The following PRXL2A variants were observed in gnomAD, a reference collection of about 807,000 sequenced individuals.
PRXL2A encodes the protein peroxiredoxin like 2A.
PRXL2A carries 26 observed loss-of-function variants against 25.6 expected under a neutral mutation model. That is an observed-to-expected ratio of 1.02 (90% CI 0.74 to 1.41). The LOEUF (loss-of-function observed/expected upper bound fraction) is 1.41. Among genes scored for constraint, PRXL2A ranks in the 40% most tolerant of loss-of-function variants. The pLI, the probability that PRXL2A is intolerant of heterozygous loss-of-function variation, is 0.00. For synonymous variants in PRXL2A, 98 were observed against 102.9 expected (o/e 0.95, Z 0.29); for missense variants, 246 against 273.9 (o/e 0.90, Z 0.72).
rs752302520 is a variant in PRXL2A, at chr10:80,432,063, G to T, written c.654G>T (p.Met218Ile). 6.2e-7 allele frequency: 1 copy of T among 1,610,204 alleles called. No individual in the cohort carries two copies. The change falls in exon 6 of 6, where the codon ATG becomes ATT. Residue 218 changes from methionine to isoleucine, a missense_variant. Coordinates refer to ENST00000606162, the MANE Select transcript of PRXL2A (RefSeq NM_032333.5). ...TTTCTGTTCTGGAAGCTGCTAAGAT[G>T]ATCAAACCACAGACTTTGGCCTCAG... The part of the protein sequence containing the change: ...NLLSVLEAAK[M>I]IKPQTLASEK...
intron 5 of PRXL2A, 111 bp downstream of exon 5, chr10:80,427,607 C>A: frequency 9.2e-7 from 1 of 1,086,910 alleles, no homozygotes. Context: ...GTCTCCTAGC[C>A]TTCCTTCTAG....
intron 1 of PRXL2A, among the ~76,000 whole-genome samples, chr10:80,410,247 C>G (rs1439287321): frequency 6.6e-6 from 1 of 152,262 alleles, no homozygotes; most frequent in Non-Finnish European, 1.5e-5. Flanking sequence ...TCCTGAGGTT[C>G]TGTGCAGAGA....
chr10:80,416,461 G>T (rs1323287714), intron 1 of PRXL2A, among the ~76,000 whole-genome samples: 1 of 152,210 alleles, frequency 6.6e-6, no homozygotes, highest in Non-Finnish European at 1.5e-5. Flanking sequence ...CAGAACTGAG[G>T]AGGGGGTGAA....
At chr10:80,430,351 A>G (rs923110943) in intron 5 of PRXL2A, among the ~76,000 whole-genome samples, 1 of 152,048 alleles carries the variant, frequency 6.6e-6, no homozygotes, top group Non-Finnish European at 1.5e-5. Flanking sequence ...ATCTATCCAC[A>G]TTGGTCTCCC....
At chr10:80,409,163 A>T in intron 1 of PRXL2A, 2 of 743,970 alleles carry the variant, frequency 2.7e-6, no homozygotes, top group Non-Finnish European at 3.3e-6. Context: ...AGCGTTTCGG[A>T]GGCACCTGTT....
upstream of PRXL2A, chr10:80,407,889 G>C (rs964387252): frequency 6.6e-6 from 1 of 152,382 alleles, no homozygotes; most frequent in Non-Finnish European, 1.5e-5. Flanking sequence ...TGAGATTACA[G>C]GCGTGAGCCA....
rs1397531630 is a variant in PRXL2A at position 80,434,829 on chromosome 10, G to A, written c.*2730G>A. On this transcript the variant is annotated 3_prime_UTR_variant, in exon 6 of 6. Transcript: ENST00000606162. ...AAGGGATGGCTCCCAGAAAAAGTGA[G>A]AAACACATTCCTGTGCAGCAGAAGA... 1.2e-4 allele frequency: 18 copies of A among 152,088 alleles called. No homozygotes were observed. The highest frequency in any genetic ancestry group is 1.2e-4 in the Non-Finnish European group (8 of 68,018). The allele number at this position is 152,088 out of a possible 1,614,324, so 9.4% of individuals were successfully genotyped here.
intron 2 of PRXL2A, among the ~76,000 whole-genome samples, chr10:80,421,554 GGAGA>G (rs958427515): frequency 6.6e-6 from 1 of 152,058 alleles, no homozygotes; most frequent in Non-Finnish European, 1.5e-5. Context: ...TAAGATACTA[GGAGA>G]GAGAGAGACC....
At chr10:80,410,327 T>A (rs1157271708) in intron 1 of PRXL2A, among the ~76,000 whole-genome samples, 1 of 152,238 alleles carries the variant, frequency 6.6e-6, no homozygotes, top group Non-Finnish European at 1.5e-5. Flanking sequence ...TCCTTTGCCT[T>A]CTCTGGCACT....
intron 1 of PRXL2A, among the ~76,000 whole-genome samples, chr10:80,410,037 T>G (rs969213330): frequency 6.6e-6 from 1 of 152,262 alleles, no homozygotes; most frequent in Non-Finnish European, 1.5e-5. Context: ...AAAAGACATT[T>G]CTGATGATTT....
intron 1 of PRXL2A, among the ~76,000 whole-genome samples, chr10:80,415,411 C>T (rs1250504246): frequency 6.6e-6 from 1 of 152,192 alleles, no homozygotes; most frequent in Non-Finnish European, 1.5e-5. Context: ...AGGGTTCCTT[C>T]AGCACTGACA....
At position 80,416,232 on chromosome 10, in the gene PRXL2A, A is replaced by G. The variant is rs114249485; in HGVS notation, c.-2-4234A>G. Reference sequence around the variant, plus strand: ...GGCAGGTTCTTTCCTGTTTGTCCCAAGAACTTTAGTTGTCCATAAGCCATT... The same window carrying G: ...GGCAGGTTCTTTCCTGTTTGTCCCAGGAACTTTAGTTGTCCATAAGCCATT... On this transcript the variant is annotated intron_variant, in intron 1 of 5. Coordinates refer to ENST00000606162, the MANE Select transcript of PRXL2A (RefSeq NM_032333.5). Among the ~76,000 whole-genome samples, 1,243 of 152,330 alleles carry G rather than the reference A, an allele frequency of 8.2e-3. 19 individuals are homozygous for G. Among genetic ancestry groups the G allele is most frequent in the African/African-American group, 0.028 (1,183 of 41,576 alleles).
At chr10:80,422,788 A>G (rs1264478003) in intron 3 of PRXL2A, among the ~76,000 whole-genome samples, 1 of 151,822 alleles carries the variant, frequency 6.6e-6, no homozygotes, top group Non-Finnish European at 1.5e-5. Context: ...CCATATTCCA[A>G]TTTAATCAGG....
chr10:80,419,636 G>A (rs1196792579), intron 1 of PRXL2A, among the ~76,000 whole-genome samples: 1 of 152,088 alleles, frequency 6.6e-6, no homozygotes, highest in Non-Finnish European at 1.5e-5. Context: ...TATAACACCT[G>A]CATTTGTTTG....
intron 1 of PRXL2A, among the ~76,000 whole-genome samples, chr10:80,414,199 G>C (rs1048486033): frequency 6.6e-6 from 1 of 152,212 alleles, no homozygotes; most frequent in Non-Finnish European, 1.5e-5. Flanking sequence ...GACCAGAGCT[G>C]CCACTCTGAG....
In PRXL2A at chr10:80,420,471, T is replaced by G. The variant is rs1421280938; in HGVS notation, c.4T>G (p.Ser2Ala). 7.6e-6 allele frequency: 12 copies of G among 1,576,762 alleles called. No homozygotes were observed. Among genetic ancestry groups the G allele is most frequent in the Middle Eastern group, 1.7e-4 (1 of 5,896 alleles). Residue 2 changes from serine (S) to alanine (A), a missense_variant, in exon 2 of 6, where the codon TCT (serine) becomes GCT (alanine). Ser to Ala is a moderately conservative substitution (Grantham distance 99). Coordinates refer to ENST00000606162, the MANE Select transcript of PRXL2A (RefSeq NM_032333.5). The part of the protein sequence containing the change: M[S>A]FLQDPSFFTM... ...TCCTTCTTCTCAATCTCCAGAAATG[T>G]CTTTCCTCCAGGACCCAAGTTTCTT...
chr10:80,419,524 T>C (rs1844786802), intron 1 of PRXL2A, among the ~76,000 whole-genome samples: 1 of 146,770 alleles, frequency 6.8e-6, no homozygotes, highest in South Asian at 2.2e-4. Flanking sequence ...GTCAGGCTGG[T>C]CTCGAACTCC....
intron 1 of PRXL2A, among the ~76,000 whole-genome samples, chr10:80,412,753 G>A (rs887259252): frequency 6.6e-6 from 1 of 152,134 alleles, no homozygotes; most frequent in East Asian, 1.9e-4. Flanking sequence ...GGGGCATCCC[G>A]GGCAAAGGAA....
intron 3 of PRXL2A, among the ~76,000 whole-genome samples, chr10:80,424,405 CAAAAAAAAAAAAAAAA>C (rs33941883): frequency 1.3e-4 from 10 of 75,068 alleles, no homozygotes; most frequent in Non-Finnish European, 1.9e-4. Flanking sequence ...CCTGTCTCTA[CAAAAAAAAAAAAAAAA>C]AAAAAAAAAA....
Sources: gnomAD v4.1 joint callset for allele counts (sites outside exome capture counted in the v4.1 genomes callset) on GRCh38, gnomAD v4.1.1 for gene constraint, MANE v1.5 for transcripts, NCBI Gene and HGNC (gene_info 2026-07-23, HGNC 2026-07-21) for gene names.